FLT1: variants seen among roughly 807,000 people sequenced by gnomAD.
FLT1 encodes vascular endothelial growth factor receptor 1.
Under a neutral mutation model 156.3 loss-of-function variants are expected in FLT1, and 49 were observed. The ratio of observed to expected loss-of-function variants is 0.31; its 90% confidence interval spans 0.25 to 0.40. The LOEUF (loss-of-function observed/expected upper bound fraction) is 0.40, where lower values mean the gene tolerates loss of function less well. Ranked by LOEUF, FLT1 falls within the 10% of genes least tolerant of loss-of-function variation. FLT1 has a pLI of 1.00. For synonymous variants in FLT1, 594 were observed against 583.8 expected (o/e 1.02, Z -0.25); for missense variants, 1,322 against 1,637.2 (o/e 0.81, Z 3.32).
intron 17 of FLT1, among the ~76,000 whole-genome samples, chr13:28,334,400 C>T (rs992710627): frequency 3.3e-5 from 5 of 152,166 alleles, no homozygotes; most frequent in Admixed American, 2.0e-4. Context: ...CTTTCCACAG[C>T]GTTCTCCCGT....
chr13:28,431,774 C>T (rs1322964748), intron 6 of FLT1, among the ~76,000 whole-genome samples: 1 of 152,114 alleles, frequency 6.6e-6, no homozygotes, highest in Non-Finnish European at 1.5e-5. Flanking sequence ...AATCATAAGC[C>T]TTAGTTAGTG....
chr13:28,447,849 CAT>C (rs1333766748), intron 3 of FLT1, among the ~76,000 whole-genome samples: 1 of 149,926 alleles, frequency 6.7e-6, no homozygotes, highest in Non-Finnish European at 1.5e-5. Context: ...ATCTCTAGAA[CAT>C]ATAAAATATA....
chr13:28,301,700 C>T lies in FLT1; in HGVS notation c.*1467G>A. ...CATAAATAGCATCAAACAGAGCCAG[C>T]TTAGCGATCCAAGGCCCACTTGATC... On this transcript the variant is annotated 3_prime_UTR_variant, in exon 30 of 30. Coordinates refer to ENST00000282397, the MANE Select transcript of FLT1 (RefSeq NM_002019.4). 1 of 233,310 alleles carries T rather than the reference C, an allele frequency of 4.3e-6. No homozygotes were observed. Among genetic ancestry groups the T allele is most frequent in the Non-Finnish European group, 8.5e-6 (1 of 117,806 alleles). 14.5% of individuals were successfully genotyped at this position (233,310 alleles called of 1,614,324 possible). A position where few individuals can be genotyped will look rare whatever the true frequency, so the allele number is the denominator to read the frequency against.
chr13:28,406,627 TTTATTA>T (rs59281827), intron 10 of FLT1, among the ~76,000 whole-genome samples: 2 of 51,168 alleles, frequency 3.9e-5, no homozygotes, highest in African/African-American at 5.0e-5. Context: ...CAAGAGGAAT[TTTATTA>T]TTATTATTAT....
Position 28,495,096 on chromosome 13 carries a change from C to T in FLT1, c.-253G>A, listed in dbSNP as rs1881699266. Reference sequence around the variant, plus strand: ...GGGAGGAGCCGAGAGGAGTGTCCGCCTGGCGCGCTCCGAGCCTCCCGCGGA... The same window carrying T: ...GGGAGGAGCCGAGAGGAGTGTCCGCTTGGCGCGCTCCGAGCCTCCCGCGGA... On this transcript the variant is annotated 5_prime_UTR_variant, in exon 1 of 30. Transcript: ENST00000282397. The surrounding 1 kb of genome is among the most constrained non-coding windows in gnomAD (Gnocchi z 4.1). 2.2e-6 allele frequency: 1 copy of T among 451,668 alleles called. No homozygotes were observed. The allele number at this position is 451,668 out of a possible 1,614,324, so 28.0% of individuals were successfully genotyped here.
intron 11 of FLT1, among the ~76,000 whole-genome samples, chr13:28,405,215 C>T (rs1467417276): frequency 1.3e-5 from 2 of 152,050 alleles, no homozygotes; most frequent in African/African-American, 2.4e-5. Context: ...ATGAATAGTG[C>T]GCTGATGAGG....
chr13:28,346,178 A>T, intron 15 of FLT1: 1 of 153,076 alleles, frequency 6.5e-6, no homozygotes, highest in Non-Finnish European at 1.5e-5. Context: ...GGCCTGAGAT[A>T]GAAGAGGCAA....
chr13:28,436,234 C>G (rs1314395143), intron 4 of FLT1, among the ~76,000 whole-genome samples: 1 of 152,076 alleles, frequency 6.6e-6, no homozygotes, highest in East Asian at 1.9e-4. Flanking sequence ...ATCTCAGCCT[C>G]GAAAGGAAGC....
At chr13:28,454,745 A>G (rs1166342219) in intron 3 of FLT1, among the ~76,000 whole-genome samples, 2 of 152,244 alleles carry the variant, frequency 1.3e-5, no homozygotes, top group Admixed American at 1.3e-4. Flanking sequence ...ATCTGTATAG[A>G]AAATCAAAAA....
intron 17 of FLT1, among the ~76,000 whole-genome samples, chr13:28,338,769 T>A (rs916736643): frequency 2.6e-5 from 4 of 152,184 alleles, no homozygotes; most frequent in Non-Finnish European, 5.9e-5. Context: ...ATATTTCTAA[T>A]CCCTCAACAG....
At position 28,405,460 on chromosome 13, in the gene FLT1, C is replaced by T. The variant is rs951834809; in HGVS notation, c.1551+320G>A. 4.6e-5 allele frequency among the ~76,000 whole-genome samples: 7 copies of T among 152,126 alleles called. No homozygotes were observed. In the East Asian group the frequency reaches 9.6e-4, roughly 21 times the overall value. On this transcript the variant is annotated intron_variant, in intron 11 of 29. Transcript: ENST00000282397. ...ATTTTACGAGCCCTAGGCTGCACTC[C>T]GGAGATTTGGATATAATAATAATTG...
At chr13:28,373,198 G>A (rs1218739543) in intron 14 of FLT1, among the ~76,000 whole-genome samples, 1 of 152,186 alleles carries the variant, frequency 6.6e-6, no homozygotes, top group Non-Finnish European at 1.5e-5. Context: ...ACGTGATATA[G>A]AGTATGTTTT....
At position 28,405,722 on chromosome 13, in the gene FLT1, G is replaced by T. The variant is rs568683940; in HGVS notation, c.1551+58C>A. The T allele has an allele frequency of 1.7e-4, 164 of 957,974 alleles. No individual in the cohort carries two copies. In the African/African-American group the frequency reaches 2.4e-3, roughly 14 times the overall value. The allele number at this position is 957,974 out of a possible 1,614,324, so 59.3% of individuals were successfully genotyped here. A position where few individuals can be genotyped will look rare whatever the true frequency, so the allele number is the denominator to read the frequency against. On this transcript the variant is annotated intron_variant, in intron 11 of 29. Transcript: ENST00000282397. ...TCTGGTGCCAATAAACCTAGAATTG[G>T]GAGCTGAGAGTGTATTTGTGGAATA...
At chr13:28,485,256 T>A (rs1290465656) in intron 1 of FLT1, among the ~76,000 whole-genome samples, 2 of 152,020 alleles carry the variant, frequency 1.3e-5, no homozygotes, top group Non-Finnish European at 2.9e-5. Context: ...CAGAAAAAGG[T>A]GCTAAATCAG....
chr13:28,390,079 G>C lies in FLT1; in HGVS notation c.1686C>G (p.Asn562Lys), dbSNP rs1874615105. The C allele has an allele frequency of 6.8e-6, 11 of 1,614,098 alleles. No homozygotes were observed. In the East Asian group the frequency reaches 2.5e-4, roughly 36 times the overall value. The part of the protein sequence containing the change: ...ITDVPNGFHV[N>K]LEKMPTEGED... ...CTCCTTCCGTCGGCATTTTTTCCAA[G>C]TTAACATGAAACCCATTTGGCACAT... Residue 562 changes from asparagine (N) to lysine (K), a missense_variant, in exon 13 of 30, where the codon AAC becomes AAG. Physicochemically the swap from Asn to Lys is moderately conservative, Grantham distance 94. This residue lies in a region of FLT1 where 991 missense variants were observed against 1,254.8 expected (regional missense o/e 0.79). Transcript: ENST00000282397.
rs751112254 is a variant in FLT1 at position 28,405,817 on chromosome 13, A to G, written c.1514T>C (p.Ile505Thr). 17 of 1,607,988 alleles carry G rather than the reference A, an allele frequency of 1.1e-5. No individual in the cohort carries two copies. In the African/African-American group the frequency reaches 1.7e-4, roughly 16 times the overall value. ...TTCTATTATTGCCATGCGCTGAGTG[A>G]TGCTCTCAATTCTGTTTCCCATGTT... is the stretch of plus-strand genomic sequence containing the variant. ...DSNMGNRIES[I>T]TQRMAIIEGK... Residue 505 changes from isoleucine (I) to threonine (T), a missense_variant, in exon 11 of 30, where the codon ATC becomes ACC. By Grantham distance (89) the Ile-to-Thr change is moderately conservative. Around this residue, in one of 3 missense-constraint regions of FLT1, gnomAD observed 991 missense variants for 1,254.8 expected, o/e 0.79. Coordinates refer to ENST00000282397, the MANE Select transcript of FLT1 (RefSeq NM_002019.4).
intron 15 of FLT1, among the ~76,000 whole-genome samples, chr13:28,357,348 G>A (rs1057425323): frequency 3.3e-5 from 5 of 152,144 alleles, no homozygotes; most frequent in South Asian, 2.1e-4. Flanking sequence ...TTGGGCTCTC[G>A]AGGATGGCCA....
At chr13:28,349,800 G>T (rs1195720989) in intron 15 of FLT1, among the ~76,000 whole-genome samples, 1 of 152,062 alleles carries the variant, frequency 6.6e-6, no homozygotes, top group Admixed American at 6.5e-5. Context: ...ACACATTTAA[G>T]GAATCAGCCC....
At chr13:28,412,307 C>CTCTTTCTTTTTT (rs1876255615) in intron 10 of FLT1, among the ~76,000 whole-genome samples, 7 of 53,562 alleles carry the variant, frequency 1.3e-4, no homozygotes, top group African/African-American at 3.4e-4. Context: ...TTTTCTCTTT[C>CTCTTTCTTTTTT]TCTTTCTTTC....
Sources: allele counts gnomAD v4.1 joint callset (sites outside exome capture counted in the v4.1 genomes callset), GRCh38; gene constraint gnomAD v4.1.1; regional missense constraint gnomAD v4.1.1; non-coding constraint Gnocchi (gnomAD v3.1); transcripts MANE v1.5; gene names NCBI Gene and HGNC (gene_info 2026-07-23, HGNC 2026-07-21).